The following LMX1B variants were observed in gnomAD, a reference collection of about 807,000 sequenced individuals.
The protein encoded by LMX1B is LIM homeobox transcription factor 1 beta.
A neutral mutation model predicts 51.4 loss-of-function variants in LMX1B; 12 were observed. The observed-to-expected ratio is 0.23, with a 90% CI of 0.15 to 0.38. LMX1B has a LOEUF of 0.38. Ranked by LOEUF, LMX1B falls within the 10% of genes least tolerant of loss-of-function variation. The pLI, the probability that LMX1B is intolerant of heterozygous loss-of-function variation, is 1.00. For missense variants in LMX1B, 445 were observed against 571.1 expected (o/e 0.78, Z 2.25); for synonymous variants, 237 against 235.4 (o/e 1.01, Z -0.06).
Position 126,615,581 on chromosome 9 carries a change from T to G in LMX1B, c.326+12T>G. 1 of 1,598,092 alleles carries G rather than the reference T, an allele frequency of 6.3e-7. No homozygotes were observed. The highest frequency in any genetic ancestry group is 8.5e-7 in the Non-Finnish European group (1 of 1,172,308). On this transcript the variant is annotated intron_variant, in intron 2 of 7. Coordinates refer to ENST00000373474, the MANE Select transcript of LMX1B (RefSeq NM_001174147.2). The surrounding 1 kb of genome is among the most constrained non-coding windows in gnomAD (Gnocchi z 6.0). The stretch of plus-strand genomic sequence containing the variant: ...CAAGACTACCAACAGTAAGCGCTTC[T>G]CGTCCTCCTTCCCCGCCACCGCCCG...
intron 2 of LMX1B, among the ~76,000 whole-genome samples, chr9:126,623,333 A>G (rs1169765640): frequency 1.3e-5 from 2 of 152,190 alleles, no homozygotes; most frequent in African/African-American, 4.8e-5. Flanking sequence ...ACTCCTGAGC[A>G]TGGTCAGTGT....
At chr9:126,670,989 G>T (rs1342299064) in intron 2 of LMX1B, among the ~76,000 whole-genome samples, 1 of 152,204 alleles carries the variant, frequency 6.6e-6, no homozygotes, top group Non-Finnish European at 1.5e-5. Context: ...TCCCACGCTA[G>T]CTGCCACCAC....
chr9:126,641,527 T>C lies in LMX1B; in HGVS notation c.326+25958T>C, dbSNP rs1261897423. On this transcript the variant is annotated intron_variant, in intron 2 of 7. Transcript: ENST00000373474. This position sits in a 1 kb window ranked among gnomAD's most constrained non-coding sequence, Gnocchi z 4.1. The stretch of plus-strand genomic sequence containing the variant: ...GCCATGGTGCCTGATAGTATGGTCT[T>C]CTCGGGCCTGAGCTGGGCTGGGCTG... Among the ~76,000 whole-genome samples, 1 of 152,082 alleles carries C rather than the reference T, an allele frequency of 6.6e-6. No homozygotes were observed. The highest frequency in any genetic ancestry group is 6.5e-5 in the Admixed American group (1 of 15,274).
intron 2 of LMX1B, among the ~76,000 whole-genome samples, chr9:126,682,108 T>TTA (rs1554727665): frequency 7.2e-6 from 1 of 139,022 alleles, no homozygotes; most frequent in Non-Finnish European, 1.5e-5. Flanking sequence ...TTTTTTTTTT[T>TTA]ATAGAGATGG....
intron 2 of LMX1B, among the ~76,000 whole-genome samples, chr9:126,661,228 C>T (rs533278830): frequency 8.0e-6 from 1 of 124,914 alleles, no homozygotes; most frequent in African/African-American, 2.6e-5. Context: ...CTCAGGCCAG[C>T]GTGGACGCCC....
intron 3 of LMX1B, 131 bp from the exon 4 acceptor site, chr9:126,693,011 C>T (rs1336938412): frequency 1.1e-6 from 1 of 942,520 alleles, no homozygotes; most frequent in Non-Finnish European, 1.6e-6. Context: ...TATCCTGGGC[C>T]ACTGGGGAGC....
At position 126,671,492 on chromosome 9, in the gene LMX1B, G is replaced by A. The variant is rs1021491440; in HGVS notation, c.327-19344G>A. Among the ~76,000 whole-genome samples the A allele has an allele frequency of 2.0e-5, 3 of 152,064 alleles. No individual in the cohort carries two copies. The highest frequency in any genetic ancestry group is 2.0e-4 in the Admixed American group (3 of 15,272). On this transcript the variant is annotated intron_variant, in intron 2 of 7. Coordinates refer to ENST00000373474, the MANE Select transcript of LMX1B (RefSeq NM_001174147.2). The surrounding 1 kb of genome is among the most constrained non-coding windows in gnomAD (Gnocchi z 4.4). ...CAGAGTGGCTGGGTAAATAGTCGCC[G>A]CAGTAATCGCAGGCTGATTCCAACT...
intron 2 of LMX1B, among the ~76,000 whole-genome samples, chr9:126,647,676 C>T (rs1835927662): frequency 6.6e-6 from 1 of 152,226 alleles, no homozygotes; most frequent in Admixed American, 6.5e-5. Flanking sequence ...GGAAGCCACG[C>T]AGGGAGGACC....
Position 126,614,493 on chromosome 9 carries a change from C to T in LMX1B, c.44C>T (p.Pro15Leu). ...CCCGAGTCGCTGGAGAGGTGCTTCC[C>T]TCGCGGGCAGACGGACTGCGCCAAG... Reference protein sequence around the residue: ...TGPESLERCFPRGQTDCAKML... With the variant: ...TGPESLERCFLRGQTDCAKML... Residue 15 changes from proline to leucine, a missense_variant, in exon 1 of 8, where the codon CCT becomes CTT. Physicochemically the swap from Pro to Leu is moderately conservative, Grantham distance 98. Coordinates refer to ENST00000373474, the MANE Select transcript of LMX1B (RefSeq NM_001174147.2). 1 of 1,604,542 alleles carries T rather than the reference C, an allele frequency of 6.2e-7. No homozygotes were observed. Among genetic ancestry groups the T allele is most frequent in the Non-Finnish European group, 8.5e-7 (1 of 1,176,448 alleles).
At position 126,658,965 on chromosome 9, in the gene LMX1B, G is replaced by T. The variant is rs1836174115; in HGVS notation, c.327-31871G>T. On this transcript the variant is annotated intron_variant, in intron 2 of 7. Coordinates refer to ENST00000373474, the MANE Select transcript of LMX1B (RefSeq NM_001174147.2). The surrounding 1 kb of genome is among the most constrained non-coding windows in gnomAD (Gnocchi z 4.0). ...ATGGGGCAGGCCTGATCCAAGGCTG[G>T]GATACAGGGTGGGAGGGACCCTTCA... 6.6e-6 allele frequency among the ~76,000 whole-genome samples: 1 copy of T among 152,206 alleles called. No homozygotes were observed. The highest frequency in any genetic ancestry group is 1.5e-5 in the Non-Finnish European group (1 of 68,036).
rs529448603 is a variant in LMX1B, at chr9:126,695,948, C to T, written c.996C>T (p.Pro332=). Residue 332 remains proline (P), a synonymous_variant, in exon 7 of 8, where the codon CCC becomes CCT. Transcript: ENST00000373474. The surrounding 1 kb of genome is among the most constrained non-coding windows in gnomAD (Gnocchi z 5.2). ...MEQSPYGSSD[P]FQQGLTPPQM... ...AGAGCCCCTACGGCAGCAGCGACCC[C>T]TTCCAGCAGGGCCTCACGCCGCCCC... 4 of 1,613,244 alleles carry T rather than the reference C, an allele frequency of 2.5e-6. No homozygotes were observed. Among genetic ancestry groups the T allele is most frequent in the Non-Finnish European group, 3.4e-6 (4 of 1,179,726 alleles).
Position 126,693,741 on chromosome 9 carries a change from T to G in LMX1B, c.820-5T>G. 6.4e-7 allele frequency: 1 copy of G among 1,561,796 alleles called. No homozygotes were observed. The highest frequency in any genetic ancestry group is 8.7e-7 in the Non-Finnish European group (1 of 1,154,288). ...GCACCGGCCTGAACTGCGCTCTCCCTGCAGATGAAGAAGCTGGCGCGGCGG... is the reference window on the plus strand; with the variant it reads ...GCACCGGCCTGAACTGCGCTCTCCCGGCAGATGAAGAAGCTGGCGCGGCGG... On this transcript the variant is annotated splice_region_variant and splice_polypyrimidine_tract_variant and intron_variant, in intron 5 of 7. Transcript: ENST00000373474.
chr9:126,657,264 T>A (rs1236269421), intron 2 of LMX1B, among the ~76,000 whole-genome samples: 1 of 152,186 alleles, frequency 6.6e-6, no homozygotes, highest in Non-Finnish European at 1.5e-5. Flanking sequence ...GACTGTCTGA[T>A]GGTGAAGAGA....
chr9:126,659,105 G>T (rs74665172), intron 2 of LMX1B, among the ~76,000 whole-genome samples: 13,159 of 152,292 alleles, frequency 0.086, 965 homozygotes, highest in East Asian at 0.38. Flanking sequence ...ACTTCTTACT[G>T]TCTGTTGCTG....
chr9:126,686,987 T>C (rs2029919316), intron 2 of LMX1B, among the ~76,000 whole-genome samples: 1 of 151,894 alleles, frequency 6.6e-6, no homozygotes, highest in South Asian at 2.1e-4. Flanking sequence ...CCCGGGGTGG[T>C]GGTGAGAAGG....
rs202031746 is a variant in LMX1B, at chr9:126,696,270, C to G, written c.1052-24C>G. ...CAGGAGCCCCAGCCTGTACCCCGGT[C>G]CTGACACCCCTTCTGCCCCCCAGGG... is the stretch of plus-strand genomic sequence containing the variant. On this transcript the variant is annotated intron_variant, in intron 7 of 7. Transcript: ENST00000373474. The G allele has an allele frequency of 1.2e-4, 195 of 1,613,130 alleles. 1 individual carries two copies. Among genetic ancestry groups the G allele is most frequent in the Admixed American group, 1.8e-4 (11 of 60,004 alleles).
In LMX1B at chr9:126,625,476, T is replaced by C. The variant is rs555986094; in HGVS notation, c.326+9907T>C. ...ACCCACCACCCCCATTAAAGCGGGA[T>C]TGACCAGAAGAGAGAGGCCGAATGG... On this transcript the variant is annotated intron_variant, in intron 2 of 7. Transcript: ENST00000373474. This position sits in a 1 kb window ranked among gnomAD's most constrained non-coding sequence, Gnocchi z 5.3. Among the ~76,000 whole-genome samples, 2 of 152,242 alleles carry C rather than the reference T, an allele frequency of 1.3e-5. No homozygotes were observed. The highest frequency in any genetic ancestry group is 1.9e-4 in the East Asian group (1 of 5,174).
chr9:126,645,699 G>A (rs1022264128), intron 2 of LMX1B, among the ~76,000 whole-genome samples: 1 of 152,176 alleles, frequency 6.6e-6, no homozygotes, highest in Non-Finnish European at 1.5e-5. Flanking sequence ...GGGAGGTCAG[G>A]GGATGATGTC....
chr9:126,630,161 C>CAAAAAA (rs386416246), intron 2 of LMX1B, among the ~76,000 whole-genome samples: 4 of 83,816 alleles, frequency 4.8e-5, no homozygotes, highest in Admixed American at 1.4e-4. Flanking sequence ...GACTCCGTCT[C>CAAAAAA]AAAAAAAAAA....
Sources: allele counts gnomAD v4.1 joint callset (sites outside exome capture counted in the v4.1 genomes callset), GRCh38; gene constraint gnomAD v4.1.1; non-coding constraint Gnocchi (gnomAD v3.1); transcripts MANE v1.5; gene names NCBI Gene and HGNC (gene_info 2026-07-23, HGNC 2026-07-21).